The following RWDD1 variants were observed in gnomAD, a reference collection of about 807,000 sequenced individuals.
RWDD1 encodes RWD domain containing 1, also known as RWD domain-containing protein 1.
RWDD1 carries 17 observed loss-of-function variants against 31.6 expected under a neutral mutation model. The observed-to-expected ratio is 0.54, with a 90% CI of 0.37 to 0.81. The LOEUF (loss-of-function observed/expected upper bound fraction) is 0.81, where lower values mean the gene tolerates loss of function less well. RWDD1 is among the 30% of genes least tolerant of loss of function. RWDD1 has a pLI of 0.00. For synonymous variants in RWDD1, 78 were observed against 94.2 expected (o/e 0.83, Z 0.99); for missense variants, 204 against 274.5 (o/e 0.74, Z 1.82).
chr6:116,574,484 C>A (rs1261095827), intron 1 of RWDD1, among the ~76,000 whole-genome samples: 1 of 152,050 alleles, frequency 6.6e-6, no homozygotes, highest in Non-Finnish European at 1.5e-5. Context: ...AATATGGGCT[C>A]TCTCGTATTT....
intron 1 of RWDD1, among the ~76,000 whole-genome samples, chr6:116,575,282 T>G (rs1774818672): frequency 6.6e-6 from 1 of 151,992 alleles, no homozygotes; most frequent in Admixed American, 6.6e-5. Context: ...GACTGGGGTC[T>G]CACTATGTTC....
intron 1 of RWDD1, among the ~76,000 whole-genome samples, chr6:116,577,476 T>C (rs1774868345): frequency 6.6e-6 from 1 of 151,908 alleles, no homozygotes; most frequent in African/African-American, 2.4e-5. Flanking sequence ...AAAGCCCAGC[T>C]CTCTTTGCCA....
Position 116,593,271 on chromosome 6 carries a change from T to A in RWDD1, c.*170T>A. 1 of 635,584 alleles carries A rather than the reference T, an allele frequency of 1.6e-6. No individual in the cohort carries two copies. The highest frequency in any genetic ancestry group is 3.1e-5 in the South Asian group (1 of 32,750). 39.4% of individuals were successfully genotyped at this position (635,584 alleles called of 1,614,324 possible). ...TAAACTGACCTTAAAATTTCAAATA[T>A]AAAATGTTCAAGGCTTCTTACTGTT... On this transcript the variant is annotated 3_prime_UTR_variant, in exon 7 of 7. Transcript: ENST00000466444.
chr6:116,588,953 CAAAAAG>C lies in RWDD1; in HGVS notation c.391_396del (p.Lys131_Glu132del), dbSNP rs765661167. ...AACTAGAAGAGAAGAAGAAAAGAAA[CAAAAAG>C]AAAAAGAAGCAGAAGAAGCTGAAAA... On this transcript the variant is annotated inframe_deletion, in exon 4 of 7. Coordinates refer to ENST00000466444, the MANE Select transcript of RWDD1 (RefSeq NM_015952.4). The C allele has an allele frequency of 2.5e-5, 36 of 1,428,722 alleles. 1 individual carries two copies. In the South Asian group the frequency reaches 5.1e-4, roughly 20 times the overall value. The allele number at this position is 1,428,722 out of a possible 1,614,324, so 88.5% of individuals were successfully genotyped here. A position where few individuals can be genotyped will look rare whatever the true frequency, so the allele number is the denominator to read the frequency against.
chr6:116,597,636 TA>T lies in RWDD1; in HGVS notation c.*4542del, dbSNP rs1232005812. On this transcript the variant is annotated 3_prime_UTR_variant, in exon 7 of 7. Coordinates refer to ENST00000466444, the MANE Select transcript of RWDD1 (RefSeq NM_015952.4). The stretch of plus-strand genomic sequence containing the variant: ...AAGGTGTTTTAAGTTTAAATTTTTT[TA>T]AAAAAACAGGTAAAAATAAAATATT... 6.6e-6 allele frequency: 1 copy of T among 151,794 alleles called. No individual in the cohort carries two copies. Among genetic ancestry groups the T allele is most frequent in the East Asian group, 1.9e-4 (1 of 5,194 alleles). 9.4% of individuals were successfully genotyped at this position (151,794 alleles called of 1,614,324 possible).
intron 1 of RWDD1, 114 bp downstream of exon 1, chr6:116,571,769 G>A: frequency 2.4e-6 from 2 of 817,960 alleles, no homozygotes; most frequent in Non-Finnish European, 3.6e-6. Flanking sequence ...TTGAGGCCGC[G>A]CGGCCACCTT....
chr6:116,571,882 G>T (rs1774744020), intron 1 of RWDD1, among the ~76,000 whole-genome samples: 1 of 151,998 alleles, frequency 6.6e-6, no homozygotes, highest in African/African-American at 2.4e-5. Context: ...TGATGTTGGA[G>T]GGTGTCAGGC....
intron 2 of RWDD1, among the ~76,000 whole-genome samples, chr6:116,584,171 G>A (rs1164963940): frequency 6.6e-6 from 1 of 152,192 alleles, no homozygotes; most frequent in African/African-American, 2.4e-5. Flanking sequence ...TCCGTAAATT[G>A]ACACAGACTA....
chr6:116,581,195 T>G (rs1443986545), intron 2 of RWDD1, among the ~76,000 whole-genome samples: 1 of 152,088 alleles, frequency 6.6e-6, no homozygotes, highest in Non-Finnish European at 1.5e-5. Context: ...TTTTGCAGAT[T>G]GGTATCTAAA....
At chr6:116,583,560 A>C (rs1003305833) in intron 2 of RWDD1, among the ~76,000 whole-genome samples, 3 of 152,028 alleles carry the variant, frequency 2.0e-5, no homozygotes, top group Non-Finnish European at 4.4e-5. Flanking sequence ...ACAAATCATA[A>C]TGATATGAGG....
At chr6:116,579,077 T>C (rs1050217646) in intron 1 of RWDD1, among the ~76,000 whole-genome samples, 2 of 152,210 alleles carry the variant, frequency 1.3e-5, no homozygotes, top group African/African-American at 4.8e-5. Context: ...GGTTTCACCA[T>C]GTTGGCCAGG....
chr6:116,581,113 A>C (rs901574771), intron 2 of RWDD1, among the ~76,000 whole-genome samples: 8 of 152,230 alleles, frequency 5.3e-5, no homozygotes, highest in African/African-American at 1.9e-4. Context: ...GTTTGCATTC[A>C]CACATTATTG....
chr6:116,574,647 A>ACTTTCTTTCTTT lies in RWDD1; in HGVS notation c.73+3003_73+3014dup, dbSNP rs3839369. Among the ~76,000 whole-genome samples, 466 of 150,218 alleles carry ACTTTCTTTCTTT rather than the reference A, an allele frequency of 3.1e-3. 12 individuals are homozygous for ACTTTCTTTCTTT. The highest frequency in any genetic ancestry group is 0.023 in the Admixed American group (344 of 15,106). The stretch of plus-strand genomic sequence containing the variant: ...GCCCTTCCTCTGTGGCCAACAACTT[A>ACTTTCTTTCTTT]CTTTCTTTCTTTCTTTCTTTCTCTC... On this transcript the variant is annotated intron_variant, in intron 1 of 6. Coordinates refer to ENST00000466444, the MANE Select transcript of RWDD1 (RefSeq NM_015952.4).
At chr6:116,591,090 G>A in intron 6 of RWDD1, 140 bp downstream of exon 6, 1 of 1,087,736 alleles carries the variant, frequency 9.2e-7, no homozygotes, top group Non-Finnish European at 1.2e-6. Context: ...GTGAGACCCT[G>A]ACTCTATTAA....
rs1291199583 is a variant in RWDD1, at chr6:116,594,343, A to T, written c.*1242A>T. On this transcript the variant is annotated 3_prime_UTR_variant, in exon 7 of 7. Transcript: ENST00000466444. Reference sequence around the variant, plus strand: ...AAGTATTTAAATTAGAATTTAAATTAAAATTTAAATTACAGTATTTAAATT... The same window carrying T: ...AAGTATTTAAATTAGAATTTAAATTTAAATTTAAATTACAGTATTTAAATT... 2.0e-5 allele frequency: 3 copies of T among 152,168 alleles called. No homozygotes were observed. Among genetic ancestry groups the T allele is most frequent in the East Asian group, 1.9e-4 (1 of 5,198 alleles). The allele number at this position is 152,168 out of a possible 1,614,324, so 9.4% of individuals were successfully genotyped here. A position where few individuals can be genotyped will look rare whatever the true frequency, so the allele number is the denominator to read the frequency against.
chr6:116,590,267 C>G lies in RWDD1; in HGVS notation c.415-5C>G. The stretch of plus-strand genomic sequence containing the variant: ...TCTGGTGACTTTTTTTTTTTATTTC[C>G]TAAGCAATTATTCCATGGTACTCCA... On this transcript the variant is annotated splice_region_variant and splice_polypyrimidine_tract_variant and intron_variant, in intron 4 of 6. Transcript: ENST00000466444. 1 of 1,479,832 alleles carries G rather than the reference C, an allele frequency of 6.8e-7. No individual in the cohort carries two copies. The highest frequency in any genetic ancestry group is 1.3e-5 in the South Asian group (1 of 74,696). 91.7% of individuals were successfully genotyped at this position (1,479,832 alleles called of 1,614,324 possible).
chr6:116,587,185 T>C (rs972116665), intron 3 of RWDD1, among the ~76,000 whole-genome samples: 4 of 152,206 alleles, frequency 2.6e-5, no homozygotes, highest in African/African-American at 4.8e-5. Context: ...GATTTTTTTC[T>C]CTGGTGAGAA....
intron 6 of RWDD1, 58 bp from the exon 7 acceptor site, chr6:116,592,922 C>A: frequency 1.3e-6 from 2 of 1,560,220 alleles, no homozygotes; most frequent in South Asian, 1.2e-5. Context: ...GTTTTATCTT[C>A]TATTTCTGAG....
intron 1 of RWDD1, among the ~76,000 whole-genome samples, chr6:116,575,607 A>T (rs1412984359): frequency 1.3e-5 from 2 of 152,236 alleles, no homozygotes; most frequent in African/African-American, 4.8e-5. Context: ...CTGTTTTTAA[A>T]AAATACTTAT....
Sources: allele counts gnomAD v4.1 joint callset (sites outside exome capture counted in the v4.1 genomes callset), GRCh38; gene constraint gnomAD v4.1.1; transcripts MANE v1.5; gene names NCBI Gene and HGNC (gene_info 2026-07-23, HGNC 2026-07-21).